ASIC2: variants seen among roughly 807,000 people sequenced by gnomAD.
ASIC2 encodes acid-sensing ion channel 2.
A neutral mutation model predicts 57.3 loss-of-function variants in ASIC2; 25 were observed. That is an observed-to-expected ratio of 0.44 (90% confidence interval 0.32 to 0.61). The LOEUF (loss-of-function observed/expected upper bound fraction) is 0.61. ASIC2 is among the 20% of genes least tolerant of loss of function. ASIC2 has a pLI of 0.06. For missense variants in ASIC2, 641 were observed against 738.1 expected, an observed-to-expected ratio of 0.87 and a Z score of 1.52; for synonymous variants, 319 against 307.5, an observed-to-expected ratio of 1.04 and a Z score of -0.39.
At position 33,433,476 on chromosome 17, in the gene ASIC2, C is replaced by T. The variant is rs1035393982; in HGVS notation, c.556-321409G>A. On this transcript the variant is annotated intron_variant, in intron 1 of 9. Coordinates refer to the ASIC2 transcript ENST00000359872. ...TTAGGCTTAATACCTTGATGACCGG[C>T]CAGGCACAGTGGCTCACGCCTGTAA... is the stretch of plus-strand genomic sequence containing the variant. Among the ~76,000 whole-genome samples the T allele has an allele frequency of 1.2e-4, 19 of 152,296 alleles. 1 individual carries two copies. Among genetic ancestry groups the T allele is most frequent in the Admixed American group, 1.2e-3 (18 of 15,282 alleles).
intron 1 of ASIC2, among the ~76,000 whole-genome samples, chr17:34,128,243 ATC>A (rs1321279820): frequency 1.3e-5 from 2 of 152,198 alleles, no homozygotes; most frequent in African/African-American, 4.8e-5. Context: ...AAGTAGTCTT[ATC>A]AAAGTGGCCC....
rs907379334 is a variant in ASIC2, at chr17:33,013,852, G to A, written c.*113C>T. 16 of 919,632 alleles carry A rather than the reference G, an allele frequency of 1.7e-5. No individual in the cohort carries two copies. The Admixed American group carries it at 2.1e-4, about 12-fold the overall frequency. The allele number at this position is 919,632 out of a possible 1,614,324, so 57.0% of individuals were successfully genotyped here. A position where few individuals can be genotyped will look rare whatever the true frequency, so the allele number is the denominator to read the frequency against. On this transcript the variant is annotated 3_prime_UTR_variant, in exon 10 of 10. Transcript: ENST00000225823. ...GCTAGTCTGCAATGTGTGCATAGGG[G>A]GCTCTTGCTTCTTTCCAGCACTGGG...
intron 1 of ASIC2, among the ~76,000 whole-genome samples, chr17:33,503,849 T>C (rs1423861335): frequency 1.3e-5 from 2 of 152,144 alleles, no homozygotes; most frequent in East Asian, 3.9e-4. Context: ...CAACTCCACA[T>C]TCCAGGATTA....
intron 1 of ASIC2, among the ~76,000 whole-genome samples, chr17:33,267,751 G>C (rs535080828): frequency 6.6e-6 from 1 of 152,174 alleles, no homozygotes; most frequent in South Asian, 2.1e-4. Context: ...TGGTGCTCCG[G>C]GGAGGGACAG....
intron 1 of ASIC2, among the ~76,000 whole-genome samples, chr17:33,763,657 T>C (rs1015528991): frequency 6.6e-6 from 1 of 152,222 alleles, no homozygotes; most frequent in Non-Finnish European, 1.5e-5. Context: ...TAGGAGCCAC[T>C]GCCGGACACA....
At chr17:33,786,813 T>A (rs1911612675) in intron 1 of ASIC2, among the ~76,000 whole-genome samples, 1 of 152,006 alleles carries the variant, frequency 6.6e-6, no homozygotes, top group Non-Finnish European at 1.5e-5. Flanking sequence ...CCCCTCAGGT[T>A]CAGCTGAAAA....
chr17:33,076,192 G>C (rs918939738), intron 3 of ASIC2, among the ~76,000 whole-genome samples: 2 of 152,130 alleles, frequency 1.3e-5, no homozygotes, highest in African/African-American at 4.8e-5. Flanking sequence ...TTCAAACGTT[G>C]CTTTTCCAAA....
chr17:33,914,013 C>G (rs1188835002), intron 1 of ASIC2, among the ~76,000 whole-genome samples: 1 of 152,182 alleles, frequency 6.6e-6, no homozygotes, highest in East Asian at 1.9e-4. Context: ...ACTTACTAAA[C>G]TTTATCGCAG....
At chr17:34,107,514 G>C (rs1911104921) in intron 1 of ASIC2, among the ~76,000 whole-genome samples, 2 of 152,016 alleles carry the variant, frequency 1.3e-5, no homozygotes, top group African/African-American at 4.8e-5. Context: ...GTCTCAAACA[G>C]AACAAAGCAA....
intron 1 of ASIC2, among the ~76,000 whole-genome samples, chr17:33,500,955 C>G (rs1255003697): frequency 1.3e-5 from 2 of 152,264 alleles, no homozygotes; most frequent in Non-Finnish European, 2.9e-5. Flanking sequence ...CACGTCTACA[C>G]TAACTTAGTT....
At chr17:33,186,858 T>A (rs554603041) in intron 1 of ASIC2, among the ~76,000 whole-genome samples, 1 of 152,298 alleles carries the variant, frequency 6.6e-6, no homozygotes, top group Non-Finnish European at 1.5e-5. Flanking sequence ...GCAAAAATTT[T>A]AAAAAATCAT....
At chr17:33,847,754 GC>G (rs907095380) in intron 1 of ASIC2, among the ~76,000 whole-genome samples, 2 of 152,132 alleles carry the variant, frequency 1.3e-5, no homozygotes, top group African/African-American at 4.8e-5. Context: ...AAATGACAAG[GC>G]CCGGTGATGC....
intron 1 of ASIC2, among the ~76,000 whole-genome samples, chr17:34,089,300 G>A (rs1442936221): frequency 1.3e-5 from 2 of 152,240 alleles, no homozygotes; most frequent in East Asian, 3.9e-4. Flanking sequence ...CTTCATAGAG[G>A]GTACACTATG....
At chr17:34,022,999 G>T (rs1308117834) in intron 1 of ASIC2, among the ~76,000 whole-genome samples, 1 of 151,928 alleles carries the variant, frequency 6.6e-6, no homozygotes, top group African/African-American at 2.4e-5. Context: ...TCCTTCTCTG[G>T]CCACGTAAGA....
chr17:33,766,147 T>TGAGA (rs945357838), intron 1 of ASIC2, among the ~76,000 whole-genome samples: 1 of 152,044 alleles, frequency 6.6e-6, no homozygotes, highest in Non-Finnish European at 1.5e-5. Flanking sequence ...TGAGATATTT[T>TGAGA]GAGAGAGAGA....
chr17:33,526,941 T>G (rs1306154842), intron 1 of ASIC2, among the ~76,000 whole-genome samples: 4 of 152,218 alleles, frequency 2.6e-5, no homozygotes, highest in African/African-American at 9.6e-5. Context: ...GGCCTTAATT[T>G]GCTGAACTTG....
intron 1 of ASIC2, among the ~76,000 whole-genome samples, chr17:33,544,654 A>C (rs951758250): frequency 6.6e-6 from 1 of 152,162 alleles, no homozygotes; most frequent in South Asian, 2.1e-4. Context: ...ATTATTTTAC[A>C]TACTGCTAAG....
At chr17:33,715,898 G>A (rs191384177) in intron 1 of ASIC2, among the ~76,000 whole-genome samples, 73 of 152,226 alleles carry the variant, frequency 4.8e-4, no homozygotes, top group African/African-American at 1.6e-3. Flanking sequence ...GGCGTGGAGG[G>A]CCTAGAATTC....
chr17:33,510,976 T>G (rs1358617206), intron 1 of ASIC2, among the ~76,000 whole-genome samples: 1 of 152,226 alleles, frequency 6.6e-6, no homozygotes, highest in Non-Finnish European at 1.5e-5. Flanking sequence ...CCACACTTGC[T>G]TAGATGACTG....
Sources: gnomAD v4.1 joint callset for allele counts (sites outside exome capture counted in the v4.1 genomes callset) on GRCh38, gnomAD v4.1.1 for gene constraint, MANE v1.5 for transcripts, NCBI Gene and HGNC (gene_info 2026-07-23, HGNC 2026-07-21) for gene names.